TLN2: variants seen among roughly 807,000 people sequenced by gnomAD.
TLN2 encodes talin 2, also known as talin-2.
TLN2 carries 118 observed loss-of-function variants against 294.7 expected under a neutral mutation model. The observed-to-expected ratio is 0.40, with a 90% CI of 0.34 to 0.47. TLN2 has a LOEUF of 0.47. Ranked by LOEUF, TLN2 falls within the 20% of genes least tolerant of loss-of-function variation. The pLI is 0.84. For synonymous variants in TLN2, 1,431 were observed against 1,304.5 expected, an observed-to-expected ratio of 1.10 and a Z score of -2.09; for missense variants, 3,083 against 3,282.2, an observed-to-expected ratio of 0.94 and a Z score of 1.48.
rs541775361 is a variant in TLN2 at position 62,781,312 on chromosome 15, A to T, written c.5616+71A>T. Reference sequence around the variant, plus strand: ...ATCCACTGCCGCCGCTGAGCCTGCAAATCCCAGATCTGTGTCAGAGAGAGA... The same window carrying T: ...ATCCACTGCCGCCGCTGAGCCTGCATATCCCAGATCTGTGTCAGAGAGAGA... On this transcript the variant is annotated intron_variant, in intron 44 of 58. Transcript: ENST00000636159. 23 of 1,198,384 alleles carry T rather than the reference A, an allele frequency of 1.9e-5. No homozygotes were observed. In the African/African-American group the frequency reaches 3.3e-4, roughly 17 times the overall value. 74.2% of individuals were successfully genotyped at this position (1,198,384 alleles called of 1,614,324 possible).
At chr15:62,755,337 T>C (rs917119009) in intron 36 of TLN2, 195 bp from the exon 37 acceptor site, 2 of 627,194 alleles carry the variant, frequency 3.2e-6, no homozygotes, top group Admixed American at 3.4e-5. Flanking sequence ...TTCTTATTCT[T>C]TCTTTATTAT....
chr15:62,714,401 C>G (rs1250358276), intron 22 of TLN2, among the ~76,000 whole-genome samples: 2 of 151,494 alleles, frequency 1.3e-5, no homozygotes, highest in African/African-American at 4.9e-5. Flanking sequence ...ACAGGGTTTC[C>G]CCGTGTTAGC....
At chr15:62,704,797 A>G (rs1178753844) in intron 19 of TLN2, among the ~76,000 whole-genome samples, 2 of 152,198 alleles carry the variant, frequency 1.3e-5, no homozygotes, top group African/African-American at 4.8e-5. Flanking sequence ...TTGCCTTTCC[A>G]TATCCCCAAA....
Position 62,810,109 on chromosome 15 carries a change from C to T in TLN2, c.6771+77C>T, listed in dbSNP as rs892248369. Reference sequence around the variant, plus strand: ...TCCTGGCTGATTCAAACTATGCTTTCCTTGGGAAGACCTCTCTCAGAGCCC... The same window carrying T: ...TCCTGGCTGATTCAAACTATGCTTTTCTTGGGAAGACCTCTCTCAGAGCCC... On this transcript the variant is annotated intron_variant, in intron 52 of 58. Coordinates refer to ENST00000636159, the MANE Select transcript of TLN2 (RefSeq NM_015059.3). 4 of 1,232,376 alleles carry T rather than the reference C, an allele frequency of 3.2e-6. No individual in the cohort carries two copies. The African/African-American group carries it at 6.0e-5, about 18-fold the overall frequency. The allele number at this position is 1,232,376 out of a possible 1,614,324, so 76.3% of individuals were successfully genotyped here.
chr15:62,462,220 C>T (rs1276089623), intron 1 of TLN2, among the ~76,000 whole-genome samples: 1 of 152,144 alleles, frequency 6.6e-6, no homozygotes, highest in Non-Finnish European at 1.5e-5. Context: ...GGTGACAAAG[C>T]AAGACTCTGT....
At chr15:62,564,329 C>T (rs2043211333) in intron 1 of TLN2, among the ~76,000 whole-genome samples, 1 of 152,124 alleles carries the variant, frequency 6.6e-6, no homozygotes, top group African/African-American at 2.4e-5. Flanking sequence ...TGCTGGTGTG[C>T]CCGTGGGGTG....
intron 2 of TLN2, among the ~76,000 whole-genome samples, chr15:62,599,960 A>G (rs960067044): frequency 4.6e-5 from 7 of 152,184 alleles, no homozygotes; most frequent in Non-Finnish European, 8.8e-5. Context: ...TTGTGTTTAC[A>G]TGTTTCCAAA....
At chr15:62,805,502 C>T (rs2066217638) in intron 50 of TLN2, 98 bp from the exon 51 acceptor site, 5 of 1,289,608 alleles carry the variant, frequency 3.9e-6, no homozygotes, top group East Asian at 5.1e-5. Context: ...GTTACTGGCT[C>T]AGTTTTCAGA....
At chr15:62,486,390 C>T (rs544541275) in intron 1 of TLN2, among the ~76,000 whole-genome samples, 8 of 151,210 alleles carry the variant, frequency 5.3e-5, no homozygotes, top group Admixed American at 1.3e-4. Flanking sequence ...TCCAGGATTA[C>T]GCAGATTCTG....
chr15:62,797,655 G>T (rs548828937), intron 48 of TLN2, among the ~76,000 whole-genome samples: 1 of 152,198 alleles, frequency 6.6e-6, no homozygotes, highest in Non-Finnish European at 1.5e-5. Context: ...GGCCTGGCCC[G>T]GTGAAGGCTG....
At chr15:62,720,719 TTG>T (rs1445278664) in intron 25 of TLN2, among the ~76,000 whole-genome samples, 2 of 151,706 alleles carry the variant, frequency 1.3e-5, no homozygotes, top group Non-Finnish European at 2.9e-5. Flanking sequence ...TATAGGCCCT[TTG>T]TGTTTTTCAT....
chr15:62,595,608 C>G (rs1339623292), intron 2 of TLN2, among the ~76,000 whole-genome samples: 1 of 152,262 alleles, frequency 6.6e-6, no homozygotes, highest in African/African-American at 2.4e-5. Flanking sequence ...GATGTCTGCA[C>G]TCCTATGTTC....
At chr15:62,479,174 G>T (rs978491444) in intron 1 of TLN2, among the ~76,000 whole-genome samples, 2 of 152,190 alleles carry the variant, frequency 1.3e-5, no homozygotes, top group Admixed American at 1.3e-4. Flanking sequence ...TGGAGCTTGG[G>T]GGAGCTGGAT....
At chr15:62,489,218 G>A (rs1245737346) in intron 1 of TLN2, among the ~76,000 whole-genome samples, 1 of 152,076 alleles carries the variant, frequency 6.6e-6, no homozygotes, top group Non-Finnish European at 1.5e-5. Context: ...TGACATGAAG[G>A]TATACACAGG....
In TLN2 at chr15:62,805,674, C is replaced by T. The variant is rs2066232178; in HGVS notation, c.6552C>T (p.Thr2184=). Reference sequence around the variant, plus strand: ...CCATAAGGATGACGAAAGGCATCACCATGGCAACAGCCAAAGCCGTGGCAG... The same window carrying T: ...CCATAAGGATGACGAAAGGCATCACTATGGCAACAGCCAAAGCCGTGGCAG... ...EESIRMTKGI[T]MATAKAVAAG... Residue 2184 remains threonine, a synonymous_variant, in exon 51 of 59, where the codon ACC becomes ACT. Transcript: ENST00000636159. 6.2e-7 allele frequency: 1 copy of T among 1,614,132 alleles called. No individual in the cohort carries two copies. The highest frequency in any genetic ancestry group is 8.5e-7 in the Non-Finnish European group (1 of 1,180,002).
intron 4 of TLN2, among the ~76,000 whole-genome samples, 154 bp downstream of exon 4, chr15:62,647,600 CTG>C (rs2052038015): frequency 6.6e-6 from 1 of 152,338 alleles, no homozygotes; most frequent in South Asian, 2.1e-4. Context: ...CCTGCTTCCT[CTG>C]TGAGACTTGT....
intron 1 of TLN2, among the ~76,000 whole-genome samples, chr15:62,526,092 TAAC>T (rs1263505871): frequency 2.0e-5 from 3 of 152,192 alleles, no homozygotes; most frequent in Admixed American, 6.5e-5. Flanking sequence ...CATACTCAAT[TAAC>T]AAACTCAATA....
At chr15:62,489,016 C>T (rs1399569998) in intron 1 of TLN2, among the ~76,000 whole-genome samples, 1 of 152,124 alleles carries the variant, frequency 6.6e-6, no homozygotes, top group African/African-American at 2.4e-5. Flanking sequence ...CAAAAATTAG[C>T]TGGGCATGGT....
intron 11 of TLN2, among the ~76,000 whole-genome samples, chr15:62,685,405 G>A (rs2057199543): frequency 6.6e-6 from 1 of 152,140 alleles, no homozygotes; most frequent in Non-Finnish European, 1.5e-5. Flanking sequence ...AAAATTGGGT[G>A]GTTTCTAGCT....
Sources: allele counts gnomAD v4.1 joint callset (sites outside exome capture counted in the v4.1 genomes callset), GRCh38; gene constraint gnomAD v4.1.1; transcripts MANE v1.5; gene names NCBI Gene and HGNC (gene_info 2026-07-23, HGNC 2026-07-21).